NCAM1: variants seen among roughly 807,000 people sequenced by gnomAD.
The protein encoded by NCAM1 is antigen recognized by monoclonal antibody 5.1H11.
NCAM1 carries 14 observed loss-of-function variants against 109.8 expected under a neutral mutation model. The ratio of observed to expected loss-of-function variants is 0.13; its 90% CI spans 0.08 to 0.20. The LOEUF (loss-of-function observed/expected upper bound fraction) is 0.20, where lower values mean the gene tolerates loss of function less well. NCAM1 is among the 10% of genes least tolerant of loss of function. The pLI is 1.00. For missense variants in NCAM1, 774 were observed against 1,109.9 expected (o/e 0.70, Z 4.30); for synonymous variants, 418 against 442.9 (o/e 0.94, Z 0.70).
chr11:113,104,635 A>G (rs557838839), intron 1 of NCAM1, among the ~76,000 whole-genome samples: 62 of 152,180 alleles, frequency 4.1e-4, no homozygotes, highest in Non-Finnish European at 6.6e-4. Context: ...CTCAGGCACT[A>G]GTTAGCAAAC....
intron 1 of NCAM1, among the ~76,000 whole-genome samples, chr11:113,038,567 G>A (rs534985223): frequency 6.6e-6 from 1 of 152,310 alleles, no homozygotes; most frequent in South Asian, 2.1e-4. Context: ...TTAGCATCCA[G>A]CATAGTAGAT....
chr11:113,036,424 C>A (rs67483103), intron 1 of NCAM1, among the ~76,000 whole-genome samples: 1 of 151,738 alleles, frequency 6.6e-6, no homozygotes, highest in Non-Finnish European at 1.5e-5. Context: ...TCTAGGGTGC[C>A]TCTCCCCCAT....
At chr11:112,971,258 C>G (rs1486635936) in intron 1 of NCAM1, among the ~76,000 whole-genome samples, 8 of 152,044 alleles carry the variant, frequency 5.3e-5, no homozygotes, top group South Asian at 2.1e-4. Context: ...CTCTGTCTCT[C>G]TCTCTCTCTC....
chr11:113,052,402 T>A (rs1953535637), intron 1 of NCAM1, among the ~76,000 whole-genome samples: 1 of 152,220 alleles, frequency 6.6e-6, no homozygotes, highest in South Asian at 2.1e-4. Flanking sequence ...CTTGAATTTC[T>A]ATTTTCTGCC....
intron 13 of NCAM1, among the ~76,000 whole-genome samples, chr11:113,234,711 G>T (rs868960724): frequency 6.6e-6 from 1 of 152,164 alleles, no homozygotes; most frequent in Non-Finnish European, 1.5e-5. Flanking sequence ...TGGTCATTTG[G>T]GTTGCCTTTC....
At chr11:113,260,403 C>T (rs1029484493) in intron 17 of NCAM1, 80 bp downstream of exon 17, 55 of 1,444,464 alleles carry the variant, frequency 3.8e-5, no homozygotes, top group Non-Finnish European at 4.7e-5. Flanking sequence ...GCCTGAACAA[C>T]CCTGACAACT....
rs11827976 is a variant in NCAM1, at chr11:113,024,818, G to T, written c.52+63154G>T. Among the ~76,000 whole-genome samples the T allele has an allele frequency of 2.0e-3, 299 of 152,228 alleles. 1 individual carries two copies. Among genetic ancestry groups the T allele is most frequent in the African/African-American group, 6.9e-3 (287 of 41,538 alleles). ...TTTGTCTAAAAATGCACCACATTAG[G>T]AAGATTGTTTAGGATATTTTCACTC... On this transcript the variant is annotated intron_variant, in intron 1 of 19. Coordinates refer to ENST00000316851, the MANE Select transcript of NCAM1 (RefSeq NM_181351.5).
intron 1 of NCAM1, among the ~76,000 whole-genome samples, chr11:112,985,705 G>T (rs1478428246): frequency 6.6e-6 from 1 of 151,528 alleles, no homozygotes; most frequent in Non-Finnish European, 1.5e-5. Flanking sequence ...TCTTTTTCAG[G>T]TAGTTTGTTT....
intron 1 of NCAM1, among the ~76,000 whole-genome samples, chr11:113,184,453 GA>G (rs2136629357): frequency 6.6e-6 from 1 of 152,294 alleles, no homozygotes; most frequent in East Asian, 1.9e-4. Context: ...CTACCATTTT[GA>G]AGATACAATA....
chr11:113,220,539 A>G (rs1181026211), intron 8 of NCAM1, among the ~76,000 whole-genome samples: 1 of 150,764 alleles, frequency 6.6e-6, no homozygotes, highest in African/African-American at 2.5e-5. Context: ...TGGCATTAGT[A>G]TATCTATGAT....
intron 1 of NCAM1, among the ~76,000 whole-genome samples, chr11:113,139,585 C>T (rs180944148): frequency 6.6e-5 from 10 of 152,168 alleles, no homozygotes; most frequent in South Asian, 2.1e-4. Flanking sequence ...CATATTTTCA[C>T]GGCCCTTAAT....
intron 1 of NCAM1, among the ~76,000 whole-genome samples, chr11:113,156,210 A>G (rs1037350335): frequency 6.6e-6 from 1 of 152,224 alleles, no homozygotes; most frequent in Non-Finnish European, 1.5e-5. Flanking sequence ...AGACTTACTA[A>G]GAGGAAGACA....
intron 1 of NCAM1, among the ~76,000 whole-genome samples, chr11:113,169,244 G>A (rs1942912258): frequency 6.6e-6 from 1 of 152,096 alleles, no homozygotes; most frequent in Non-Finnish European, 1.5e-5. Flanking sequence ...AGACGTGTTT[G>A]CCCACGTTAT....
At chr11:112,964,847 A>G (rs531664930) in intron 1 of NCAM1, among the ~76,000 whole-genome samples, 1 of 152,236 alleles carries the variant, frequency 6.6e-6, no homozygotes, top group Non-Finnish European at 1.5e-5. Context: ...AATCCAACAG[A>G]GTTATTAAAA....
chr11:113,189,113 A>C (rs2136688908), intron 1 of NCAM1, among the ~76,000 whole-genome samples: 1 of 152,280 alleles, frequency 6.6e-6, no homozygotes, highest in East Asian at 1.9e-4. Flanking sequence ...CTTGGTTTTA[A>C]AGTTATAAAT....
intron 1 of NCAM1, among the ~76,000 whole-genome samples, chr11:113,166,931 C>T (rs1942820913): frequency 6.6e-6 from 1 of 152,240 alleles, no homozygotes; most frequent in Non-Finnish European, 1.5e-5. Context: ...TCAAAACTAA[C>T]TTCTTATAGA....
intron 1 of NCAM1, among the ~76,000 whole-genome samples, chr11:113,036,862 G>A (rs1018489261): frequency 1.3e-5 from 2 of 152,040 alleles, no homozygotes; most frequent in African/African-American, 4.8e-5. Flanking sequence ...CTGAATTCTG[G>A]TGCCTGGGCT....
intron 1 of NCAM1, among the ~76,000 whole-genome samples, chr11:113,033,783 C>T (rs1459140484): frequency 6.6e-6 from 1 of 152,194 alleles, no homozygotes; most frequent in Admixed American, 6.5e-5. Context: ...TTGTAACAAG[C>T]ACTTCTGGTG....
At chr11:113,186,647 G>A (rs1425745609) in intron 1 of NCAM1, among the ~76,000 whole-genome samples, 1 of 152,192 alleles carries the variant, frequency 6.6e-6, no homozygotes, top group African/African-American at 2.4e-5. Flanking sequence ...CACTCTGGGG[G>A]CCTGGGTTGG....
Sources: allele counts gnomAD v4.1 joint callset (sites outside exome capture counted in the v4.1 genomes callset), GRCh38; gene constraint gnomAD v4.1.1; transcripts MANE v1.5; gene names NCBI Gene and HGNC (gene_info 2026-07-23, HGNC 2026-07-21).